The following LRCH1 variants were observed in gnomAD, a reference collection of about 807,000 sequenced individuals.
LRCH1 encodes leucine rich repeats and calponin homology domain containing 1.
A neutral mutation model predicts 94.9 loss-of-function variants in LRCH1; 23 were observed. The ratio of observed to expected loss-of-function variants is 0.24; its 90% CI spans 0.17 to 0.34. The LOEUF is 0.34. LRCH1 is among the 10% of genes least tolerant of loss of function. The pLI, the probability that LRCH1 is intolerant of heterozygous loss-of-function variation, is 1.00. For missense variants in LRCH1, 790 were observed against 945.9 expected, an observed-to-expected ratio of 0.84 and a Z score of 2.16; for synonymous variants, 364 against 354.9, an observed-to-expected ratio of 1.03 and a Z score of -0.29.
chr13:46,623,760 G>A (rs909812965), intron 1 of LRCH1, among the ~76,000 whole-genome samples: 8 of 142,020 alleles, frequency 5.6e-5, no homozygotes, highest in Non-Finnish European at 1.1e-4. Flanking sequence ...TGTGTACAAC[G>A]TACAGGTTTG....
intron 1 of LRCH1, among the ~76,000 whole-genome samples, chr13:46,607,610 C>T (rs2050702211): frequency 6.6e-6 from 1 of 151,686 alleles, no homozygotes; most frequent in African/African-American, 2.4e-5. Context: ...TTCTCCTTCT[C>T]CTTCTCTTTC....
intron 1 of LRCH1, among the ~76,000 whole-genome samples, chr13:46,608,712 T>C (rs2050714369): frequency 6.6e-6 from 1 of 152,252 alleles, no homozygotes; most frequent in African/African-American, 2.4e-5. Flanking sequence ...CTTTTGCTCG[T>C]CTCTTGCTAA....
At chr13:46,660,239 C>G (rs1330995539) in intron 2 of LRCH1, among the ~76,000 whole-genome samples, 1 of 151,894 alleles carries the variant, frequency 6.6e-6, no homozygotes, top group Non-Finnish European at 1.5e-5. Context: ...TGGTCTCGAT[C>G]TCCTGACTTC....
intron 3 of LRCH1, among the ~76,000 whole-genome samples, chr13:46,672,849 T>A (rs2051619526): frequency 1.3e-5 from 2 of 152,224 alleles, no homozygotes; most frequent in Admixed American, 6.5e-5. Flanking sequence ...CTTGACATCT[T>A]ACGAATGAAG....
exon 19 of LRCH1, chr13:46,752,871 T>G (rs1011669716): frequency 6.6e-6 from 1 of 152,216 alleles, no homozygotes; most frequent in Non-Finnish European, 1.5e-5. Flanking sequence ...TTTTTTTCTT[T>G]TAAATGCAGT....
chr13:46,681,429 T>C (rs760625384), intron 3 of LRCH1, among the ~76,000 whole-genome samples: 1 of 152,214 alleles, frequency 6.6e-6, no homozygotes, highest in African/African-American at 2.4e-5. Context: ...GCTAGCAATA[T>C]TGCCCAATGG....
intron 17 of LRCH1, among the ~76,000 whole-genome samples, chr13:46,726,596 C>T (rs906625388): frequency 2.6e-5 from 4 of 152,192 alleles, no homozygotes; most frequent in African/African-American, 9.7e-5. Flanking sequence ...AGTGAGACTT[C>T]TCCCCTTGCT....
At chr13:46,603,800 G>A (rs1477867069) in intron 1 of LRCH1, among the ~76,000 whole-genome samples, 1 of 152,066 alleles carries the variant, frequency 6.6e-6, no homozygotes, top group African/African-American at 2.4e-5. Flanking sequence ...GAGACTATAG[G>A]CTCGTGCCAC....
chr13:46,654,724 G>C lies in LRCH1; in HGVS notation c.452+4379G>C, dbSNP rs576572551. ...TCACACTTAAGGTAGATGATATCAA[G>C]TATAGTATGATCTGAAAGAGCTTTA... is the stretch of plus-strand genomic sequence containing the variant. On this transcript the variant is annotated intron_variant, in intron 2 of 19. Coordinates refer to ENST00000389797, the MANE Select transcript of LRCH1 (RefSeq NM_001164211.2). Among the ~76,000 whole-genome samples the C allele has an allele frequency of 2.2e-3, 339 of 152,302 alleles. 3 individuals carry two copies. Among genetic ancestry groups the C allele is most frequent in the African/African-American group, 7.7e-3 (319 of 41,548 alleles).
chr13:46,593,592 C>G (rs1211534483), intron 1 of LRCH1, among the ~76,000 whole-genome samples: 1 of 152,162 alleles, frequency 6.6e-6, no homozygotes, highest in Non-Finnish European at 1.5e-5. Flanking sequence ...TAAATTTGTT[C>G]TGTGTGTTGG....
intron 13 of LRCH1, among the ~76,000 whole-genome samples, chr13:46,707,867 A>G (rs1411236154): frequency 6.6e-6 from 1 of 152,248 alleles, no homozygotes; most frequent in Non-Finnish European, 1.5e-5. Context: ...AGCATTAAAG[A>G]CACAGAGGTC....
At chr13:46,692,689 T>A in intron 8 of LRCH1, 48 bp downstream of exon 8, 1 of 1,424,990 alleles carries the variant, frequency 7.0e-7, no homozygotes, top group Non-Finnish European at 9.9e-7. Context: ...CAGTTTCAAA[T>A]GTTATGTTTA....
intron 9 of LRCH1, among the ~76,000 whole-genome samples, chr13:46,697,587 A>G (rs1871262280): frequency 6.6e-6 from 1 of 152,212 alleles, no homozygotes; most frequent in African/African-American, 2.4e-5. Context: ...GGCACTAACT[A>G]GACTGTGAAA....
intron 7 of LRCH1, among the ~76,000 whole-genome samples, chr13:46,690,459 A>C (rs1359479536): frequency 6.6e-6 from 1 of 152,194 alleles, no homozygotes; most frequent in African/African-American, 2.4e-5. Flanking sequence ...ACTCTGCTTT[A>C]TCTCTCTTCT....
At chr13:46,573,866 A>ATATGTATATATATATT in intron 1 of LRCH1, among the ~76,000 whole-genome samples, 1 of 63,420 alleles carries the variant, frequency 1.6e-5, no homozygotes, top group Non-Finnish European at 3.2e-5. Flanking sequence ...ATATATATAT[A>ATATGTATATATATATT]TTTTTTTTTT....
intron 3 of LRCH1, among the ~76,000 whole-genome samples, chr13:46,674,589 A>G (rs1020602360): frequency 3.9e-5 from 6 of 152,244 alleles, no homozygotes; most frequent in Non-Finnish European, 7.3e-5. Flanking sequence ...TCACTGCTGT[A>G]GCAGTATGGA....
chr13:46,582,648 CTTTTTTTTTTTTT>C (rs551678501), intron 1 of LRCH1, among the ~76,000 whole-genome samples: 1 of 23,332 alleles, frequency 4.3e-5, no homozygotes, highest in African/African-American at 1.3e-4. Context: ...CCATGCCCAG[CTTTTTTTTTTTTT>C]TTTTTTTTTT....
intron 1 of LRCH1, among the ~76,000 whole-genome samples, chr13:46,631,094 A>T (rs776952975): frequency 6.6e-6 from 1 of 152,154 alleles, no homozygotes; most frequent in Non-Finnish European, 1.5e-5. Flanking sequence ...TTCAACTCTG[A>T]GGTATTTTGG....
rs115813931 is a variant in LRCH1 at position 46,569,255 on chromosome 13, C to T, written c.307+15552C>T. Among the ~76,000 whole-genome samples the T allele has an allele frequency of 2.3e-3, 355 of 152,312 alleles. 1 individual carries two copies. The highest frequency in any genetic ancestry group is 8.1e-3 in the African/African-American group (336 of 41,568). On this transcript the variant is annotated intron_variant, in intron 1 of 19. Coordinates refer to ENST00000389797, the MANE Select transcript of LRCH1 (RefSeq NM_001164211.2). ...TCCAATGTTGAAAGCATTTGTTGCG[C>T]ACCTACTGGATGTCAGACACTTTGC...
Sources: gnomAD v4.1 joint callset for allele counts (sites outside exome capture counted in the v4.1 genomes callset) on GRCh38, gnomAD v4.1.1 for gene constraint, MANE v1.5 for transcripts, NCBI Gene and HGNC (gene_info 2026-07-23, HGNC 2026-07-21) for gene names.